ASAP2: variants seen among roughly 807,000 people sequenced by gnomAD.
ASAP2 encodes arf-GAP with SH3 domain, ANK repeat and PH domain-containing protein 2.
Under a neutral mutation model 131.4 loss-of-function variants are expected in ASAP2, and 45 were observed. The observed-to-expected ratio is 0.34, with a 90% CI of 0.27 to 0.44. The LOEUF (loss-of-function observed/expected upper bound fraction) is 0.44, where lower values mean the gene tolerates loss of function less well. ASAP2 is among the 20% of genes least tolerant of loss of function. The pLI is 1.00. For synonymous variants in ASAP2, 510 were observed against 503.0 expected, an observed-to-expected ratio of 1.01 and a Z score of -0.19; for missense variants, 1,011 against 1,297.0, an observed-to-expected ratio of 0.78 and a Z score of 3.39.
intron 1 of ASAP2, among the ~76,000 whole-genome samples, chr2:9,260,891 G>A (rs1353191975): frequency 6.6e-6 from 1 of 152,178 alleles, no homozygotes; most frequent in Non-Finnish European, 1.5e-5. Flanking sequence ...CTGCTTCTCC[G>A]CCACCCTGGC....
At chr2:9,263,348 C>T (rs1225845575) in intron 1 of ASAP2, among the ~76,000 whole-genome samples, 1 of 152,216 alleles carries the variant, frequency 6.6e-6, no homozygotes, top group Admixed American at 6.5e-5. Flanking sequence ...CAAAGCAGGG[C>T]ACCAGGCTGG....
chr2:9,360,027 G>T (rs1340026863), intron 15 of ASAP2, among the ~76,000 whole-genome samples: 1 of 152,176 alleles, frequency 6.6e-6, no homozygotes, highest in Non-Finnish European at 1.5e-5. Context: ...GCTTAGAGAG[G>T]TGCACAGGTG....
At chr2:9,394,939 G>A (rs1296687591) in intron 24 of ASAP2, among the ~76,000 whole-genome samples, 12 of 152,188 alleles carry the variant, frequency 7.9e-5, no homozygotes, top group Admixed American at 5.9e-4. Context: ...GGTAGCTGAC[G>A]CTGCCTGTCA....
rs1410414100 is a variant in ASAP2, at chr2:9,206,841, G to A, written c.-264G>A. 2.0e-5 allele frequency: 3 copies of A among 150,232 alleles called. No homozygotes were observed. The highest frequency in any genetic ancestry group is 2.9e-5 in the Non-Finnish European group (2 of 69,494). The allele number at this position is 150,232 out of a possible 1,614,324, so 9.3% of individuals were successfully genotyped here. On this transcript the variant is annotated 5_prime_UTR_variant, in exon 1 of 28. Coordinates refer to ENST00000281419, the MANE Select transcript of ASAP2 (RefSeq NM_003887.3). This position sits in a 1 kb window ranked among gnomAD's most constrained non-coding sequence, Gnocchi z 4.0. ...CCCGCCGGCTGTGCGCGCCCGCCTC[G>A]GGGCTCGCTCTGAGAGGACGCGGCG... is the stretch of plus-strand genomic sequence containing the variant.
intron 1 of ASAP2, among the ~76,000 whole-genome samples, chr2:9,258,335 G>GTT (rs34528995): frequency 1.7e-4 from 15 of 90,594 alleles, no homozygotes; most frequent in East Asian, 8.0e-4. Flanking sequence ...ATCAGTAGTT[G>GTT]TTTTTTTTTT....
chr2:9,335,142 A>G lies in ASAP2; in HGVS notation c.812A>G (p.Asp271Gly). Residue 271 changes from aspartate (D) to glycine (G), a missense_variant, in exon 9 of 28, where the codon GAT becomes GGT. Asp to Gly is a moderately conservative substitution (Grantham distance 94). Transcript: ENST00000281419. ...AGAAGGCAGTTGATACAGCTTCGAG[A>G]TATTTTGAAATCCGCATTGCAGGTT... Reference protein sequence around the residue: ...EERRQLIQLRDILKSALQVEQ... With the variant: ...EERRQLIQLRGILKSALQVEQ... 1 of 1,614,064 alleles carries G rather than the reference A, an allele frequency of 6.2e-7. No homozygotes were observed. The highest frequency in any genetic ancestry group is 8.5e-7 in the Non-Finnish European group (1 of 1,180,006).
At chr2:9,277,062 C>T (rs1005135336) in intron 1 of ASAP2, among the ~76,000 whole-genome samples, 2 of 152,166 alleles carry the variant, frequency 1.3e-5, no homozygotes, top group Admixed American at 6.5e-5. Flanking sequence ...AGCCTGGAGC[C>T]GGCCCAGATT....
intron 2 of ASAP2, among the ~76,000 whole-genome samples, chr2:9,297,069 C>A (rs972349309): frequency 6.6e-6 from 1 of 152,134 alleles, no homozygotes; most frequent in African/African-American, 2.4e-5. Context: ...GACCACTGGA[C>A]GTGGGCAAGG....
chr2:9,218,650 G>A (rs1662217330), intron 1 of ASAP2, among the ~76,000 whole-genome samples: 1 of 152,188 alleles, frequency 6.6e-6, no homozygotes, highest in Admixed American at 6.5e-5. Context: ...GGACCTTGGA[G>A]CAGGTGACTT....
At chr2:9,298,940 C>T (rs956296206) in intron 3 of ASAP2, among the ~76,000 whole-genome samples, 1 of 151,982 alleles carries the variant, frequency 6.6e-6, no homozygotes, top group African/African-American at 2.4e-5. Flanking sequence ...GAAAGAAGGC[C>T]AGGGACACAA....
intron 1 of ASAP2, among the ~76,000 whole-genome samples, chr2:9,277,981 G>A (rs750105534): frequency 5.3e-5 from 8 of 152,200 alleles, no homozygotes; most frequent in Non-Finnish European, 1.0e-4. Flanking sequence ...TTTCAGGAAG[G>A]CTGGAAGTCC....
intron 1 of ASAP2, among the ~76,000 whole-genome samples, chr2:9,250,042 CT>C (rs1664601912): frequency 6.6e-6 from 1 of 152,188 alleles, no homozygotes; most frequent in South Asian, 2.1e-4. Context: ...GGAATATTTA[CT>C]TACTCACTTG....
At chr2:9,330,287 G>C in intron 7 of ASAP2, among the ~76,000 whole-genome samples, 1 of 152,174 alleles carries the variant, frequency 6.6e-6, no homozygotes, top group South Asian at 2.1e-4. Context: ...AGAACTGAAA[G>C]TCATTATCTT....
chr2:9,243,340 C>T (rs1664110026), intron 1 of ASAP2, among the ~76,000 whole-genome samples: 2 of 152,158 alleles, frequency 1.3e-5, no homozygotes, highest in South Asian at 4.1e-4. Flanking sequence ...GATCTCCTGA[C>T]CTCGTGATCC....
chr2:9,364,830 G>A (rs1290253194), intron 15 of ASAP2, among the ~76,000 whole-genome samples: 2 of 152,164 alleles, frequency 1.3e-5, no homozygotes, highest in Non-Finnish European at 2.9e-5. Flanking sequence ...GAACTGTTAT[G>A]CTCCAGGCAT....
chr2:9,259,316 C>T (rs961520067), intron 1 of ASAP2, among the ~76,000 whole-genome samples: 1 of 152,242 alleles, frequency 6.6e-6, no homozygotes, highest in African/African-American at 2.4e-5. Context: ...AGCCAAGGGC[C>T]GCCATCCCTG....
rs141827510 is a variant in ASAP2, at chr2:9,343,353, T to A, written c.850-1179T>A. ...ACTTGGTTCACATCTTGCTCCCCTC[T>A]CGTTTCCTTTAAGTCTCAGGGAAAT... is the stretch of plus-strand genomic sequence containing the variant. On this transcript the variant is annotated intron_variant, in intron 9 of 27. Transcript: ENST00000281419. Among the ~76,000 whole-genome samples the A allele has an allele frequency of 3.5e-3, 537 of 152,332 alleles. 1 individual carries two copies. The highest frequency in any genetic ancestry group is 7.0e-3 in the Admixed American group (107 of 15,308).
In ASAP2 at chr2:9,389,344, G is replaced by T. The variant is rs368099657; in HGVS notation, c.2383+798G>T. ...GATGCGGGGCGGGGGGCCCAGGAAG[G>T]ACAAGAGTCTGCACAGAGCATGTAT... On this transcript the variant is annotated intron_variant, in intron 22 of 27. Transcript: ENST00000281419. The surrounding 1 kb of genome is among the most constrained non-coding windows in gnomAD (Gnocchi z 4.7). Among the ~76,000 whole-genome samples the T allele has an allele frequency of 6.6e-6, 1 of 152,222 alleles. No individual in the cohort carries two copies. Among genetic ancestry groups the T allele is most frequent in the Non-Finnish European group, 1.5e-5 (1 of 68,034 alleles).
intron 3 of ASAP2, among the ~76,000 whole-genome samples, chr2:9,307,305 C>G (rs1480469401): frequency 6.6e-6 from 1 of 152,138 alleles, no homozygotes; most frequent in African/African-American, 2.4e-5. Context: ...AACCACTGCC[C>G]CAAGGACAGC....
Sources: gnomAD v4.1 joint callset for allele counts (sites outside exome capture counted in the v4.1 genomes callset) on GRCh38, gnomAD v4.1.1 for gene constraint, Gnocchi (gnomAD v3.1) non-coding constraint, MANE v1.5 for transcripts, NCBI Gene and HGNC (gene_info 2026-07-23, HGNC 2026-07-21) for gene names.